SCAPER: variants seen among roughly 807,000 people sequenced by gnomAD.
SCAPER encodes the protein S-phase cyclin A associated protein in the ER, also known as S phase cyclin A-associated protein in the endoplasmic reticulum.
Under a neutral mutation model 182.2 loss-of-function variants are expected in SCAPER, and 98 were observed. The observed-to-expected ratio is 0.54, with a 90% confidence interval of 0.46 to 0.64. The LOEUF (loss-of-function observed/expected upper bound fraction) is 0.64, where lower values mean the gene tolerates loss of function less well. SCAPER is among the 30% of genes least tolerant of loss of function. The pLI, the probability that SCAPER is intolerant of heterozygous loss-of-function variation, is 0.00. For missense variants in SCAPER, 1,432 were observed against 1,690.0 expected (o/e 0.85, Z 2.68); for synonymous variants, 605 against 564.6 (o/e 1.07, Z -1.01).
chr15:76,552,517 A>G lies in SCAPER; in HGVS notation c.2838+21641T>C, dbSNP rs563676467. ...CACCGGGACAGGCTCCTGGACCCCA[A>G]CTGACTCCTGGGAAAAGGTGAGTTG... On this transcript the variant is annotated intron_variant, in intron 23 of 31. Coordinates refer to ENST00000563290, the MANE Select transcript of SCAPER (RefSeq NM_020843.4). 3.3e-5 allele frequency among the ~76,000 whole-genome samples: 5 copies of G among 152,162 alleles called. No homozygotes were observed. The South Asian group carries it at 8.3e-4, about 25-fold the overall frequency.
At chr15:76,575,750 T>C (rs977353599) in intron 22 of SCAPER, among the ~76,000 whole-genome samples, 6 of 152,238 alleles carry the variant, frequency 3.9e-5, no homozygotes, top group Non-Finnish European at 8.8e-5. Context: ...TGACTATTTC[T>C]TCAAAGCACT....
intron 17 of SCAPER, among the ~76,000 whole-genome samples, chr15:76,706,729 T>C (rs575546980): frequency 1.3e-5 from 2 of 152,162 alleles, no homozygotes; most frequent in East Asian, 1.9e-4. Flanking sequence ...GTGAGACAAG[T>C]AGCATCTTTC....
At chr15:76,545,846 T>C (rs1203615341) in intron 23 of SCAPER, among the ~76,000 whole-genome samples, 2 of 152,086 alleles carry the variant, frequency 1.3e-5, no homozygotes, top group Non-Finnish European at 2.9e-5. Flanking sequence ...GAAATTTGCC[T>C]GGAATTCTAT....
intron 5 of SCAPER, among the ~76,000 whole-genome samples, chr15:76,834,388 A>T (rs893153170): frequency 2.0e-5 from 3 of 152,214 alleles, no homozygotes; most frequent in African/African-American, 7.2e-5. Context: ...TGCATACATC[A>T]AGAAGTTAGA....
chr15:76,760,047 C>T (rs1311103096), intron 14 of SCAPER, among the ~76,000 whole-genome samples: 1 of 152,084 alleles, frequency 6.6e-6, no homozygotes, highest in African/African-American at 2.4e-5. Context: ...AACACAATAA[C>T]AATTCTGTTC....
At chr15:76,408,395 T>C (rs971247692) in intron 26 of SCAPER, among the ~76,000 whole-genome samples, 5 of 152,298 alleles carry the variant, frequency 3.3e-5, no homozygotes, top group African/African-American at 9.6e-5. Context: ...AATAATATTC[T>C]ACCAGTGGAA....
rs1295609183 is a variant in SCAPER, at chr15:76,434,095, T to A, written c.3294A>T (p.Arg1098=). The A allele has an allele frequency of 2.5e-6, 4 of 1,613,722 alleles. No homozygotes were observed. The highest frequency in any genetic ancestry group is 3.4e-6 in the Non-Finnish European group (4 of 1,179,790). The change falls in exon 26 of 32, where the codon CGA becomes CGT. Residue 1098 remains arginine, a synonymous_variant. Coordinates refer to ENST00000563290, the MANE Select transcript of SCAPER (RefSeq NM_020843.4). ...KPSQGDPFNN[R]VQDLISYVVN... ...AATTTTACCTGATAAGGTCCTGAAC[T>A]CGATTGTTAAAAGGATCACCTTGTG...
chr15:76,495,950 C>A (rs1271359583), intron 24 of SCAPER, among the ~76,000 whole-genome samples: 1 of 148,288 alleles, frequency 6.7e-6, no homozygotes. Context: ...TATTATGCTA[C>A]CAGGATTTGA....
In SCAPER at chr15:76,869,193, A is replaced by G. The variant is rs543326153; in HGVS notation, c.7-6660T>C. ...TAAAACTTAAAAGAAATGCTCCAGGATATTTGTCTGGGTAAAGAATTTTTG... is the reference window on the plus strand; with the variant it reads ...TAAAACTTAAAAGAAATGCTCCAGGGTATTTGTCTGGGTAAAGAATTTTTG... On this transcript the variant is annotated intron_variant, in intron 2 of 31. Transcript: ENST00000563290. Among the ~76,000 whole-genome samples, 479 of 152,330 alleles carry G rather than the reference A, an allele frequency of 3.1e-3. 3 individuals carry two copies. The highest frequency in any genetic ancestry group is 6.0e-3 in the South Asian group (29 of 4,832).
chr15:76,603,001 C>T, intron 22 of SCAPER, among the ~76,000 whole-genome samples: 1 of 68,298 alleles, frequency 1.5e-5, no homozygotes, highest in Non-Finnish European at 3.5e-5. Flanking sequence ...TGGTTTGGAT[C>T]CTCAATAGTT....
intron 28 of SCAPER, among the ~76,000 whole-genome samples, chr15:76,376,949 A>T (rs1031608245): frequency 6.6e-6 from 1 of 152,038 alleles, no homozygotes; most frequent in African/African-American, 2.4e-5. Flanking sequence ...GCGGTGGGCG[A>T]CTCAAGAAGA....
At chr15:76,806,795 C>T (rs550699236) in intron 5 of SCAPER, among the ~76,000 whole-genome samples, 10 of 152,090 alleles carry the variant, frequency 6.6e-5, no homozygotes, top group African/African-American at 2.2e-4. Context: ...TAAATTTATG[C>T]CTAAATATTT....
intron 11 of SCAPER, among the ~76,000 whole-genome samples, chr15:76,766,272 T>G (rs2063111826): frequency 6.6e-6 from 1 of 152,018 alleles, no homozygotes; most frequent in Non-Finnish European, 1.5e-5. Context: ...AATTTTTGTA[T>G]TTTTAGTAGA....
intron 31 of SCAPER, 191 bp downstream of exon 31, chr15:76,351,046 T>C (rs1196612093): frequency 2.1e-6 from 1 of 475,910 alleles, no homozygotes; most frequent in Admixed American, 3.9e-5. Flanking sequence ...TCTATACATA[T>C]TTGGATGCAT....
At position 76,461,637 on chromosome 15, in the gene SCAPER, C is replaced by T. The variant is rs571887200; in HGVS notation, c.3078+9575G>A. Among the ~76,000 whole-genome samples, 6 of 152,206 alleles carry T rather than the reference C, an allele frequency of 3.9e-5. No homozygotes were observed. The East Asian group carries it at 5.8e-4, about 15-fold the overall frequency. ...TATTTCATATCCTTCATTATCAGCA[C>T]ATTTTTCTTTCTGTCATTGAGCTGA... On this transcript the variant is annotated intron_variant, in intron 25 of 31. Coordinates refer to ENST00000563290, the MANE Select transcript of SCAPER (RefSeq NM_020843.4).
chr15:76,563,419 T>C (rs575625477), intron 23 of SCAPER, among the ~76,000 whole-genome samples: 12 of 152,130 alleles, frequency 7.9e-5, no homozygotes, highest in Admixed American at 2.0e-4. Flanking sequence ...CTAGAAAATC[T>C]AGAAGTGGAT....
At chr15:76,840,028 C>T (rs566377617) in intron 5 of SCAPER, among the ~76,000 whole-genome samples, 11 of 152,264 alleles carry the variant, frequency 7.2e-5, no homozygotes, top group Admixed American at 2.0e-4. Context: ...GTTTACAAAG[C>T]ATAACAGAAA....
chr15:76,400,865 G>A (rs937213535), intron 27 of SCAPER, among the ~76,000 whole-genome samples: 1 of 151,738 alleles, frequency 6.6e-6, no homozygotes, highest in Non-Finnish European at 1.5e-5. Context: ...AGTTGTATGT[G>A]TACACAGAAG....
intron 27 of SCAPER, among the ~76,000 whole-genome samples, chr15:76,402,063 G>A (rs995210139): frequency 1.3e-5 from 2 of 152,196 alleles, no homozygotes; most frequent in African/African-American, 4.8e-5. Context: ...GAAGGCAGAG[G>A]TTGCAGTGAG....
Sources: allele counts gnomAD v4.1 joint callset (sites outside exome capture counted in the v4.1 genomes callset), GRCh38; gene constraint gnomAD v4.1.1; transcripts MANE v1.5; gene names NCBI Gene and HGNC (gene_info 2026-07-23, HGNC 2026-07-21).